CAMTA1: variants seen among roughly 807,000 people sequenced by gnomAD.
CAMTA1 encodes the protein calmodulin binding transcription activator 1, also known as calmodulin-binding transcription activator 1.
Under a neutral mutation model 170.9 loss-of-function variants are expected in CAMTA1, and 27 were observed. The observed-to-expected ratio is 0.16, with a 90% confidence interval of 0.12 to 0.22. CAMTA1 has a LOEUF of 0.22. Among genes scored for constraint, CAMTA1 ranks in the 10% least tolerant of loss-of-function variants. The probability of loss-of-function intolerance (pLI) is 1.00; values close to 1 mark genes in which losing one functional copy is unlikely to be tolerated. For missense variants in CAMTA1, 1,619 were observed against 2,217.2 expected (o/e 0.73, Z 5.42); for synonymous variants, 833 against 891.5 (o/e 0.93, Z 1.17).
rs4908455 is a variant in CAMTA1 at position 7,317,463 on chromosome 1, G to A, written c.438+67837G>A. Among the ~76,000 whole-genome samples the A allele has an allele frequency of 6.9e-3, 1,046 of 152,332 alleles. 18 individuals are homozygous for A. The highest frequency in any genetic ancestry group is 0.04 in the Admixed American group (605 of 15,308). ...CTGTGAGGGTTCAGTGAATTAATAC[G>A]TGTCTAGCCCATAGAACAGTGCTTG... is the stretch of plus-strand genomic sequence containing the variant. On this transcript the variant is annotated intron_variant, in intron 5 of 22. Transcript: ENST00000303635.
At chr1:6,864,602 C>T (rs1287662986) in intron 3 of CAMTA1, among the ~76,000 whole-genome samples, 5 of 152,144 alleles carry the variant, frequency 3.3e-5, no homozygotes, top group Admixed American at 1.3e-4. Context: ...GTTTCTTGCC[C>T]GAGTCCCTTC....
intron 3 of CAMTA1, among the ~76,000 whole-genome samples, chr1:6,867,537 G>A (rs1158219047): frequency 1.3e-5 from 2 of 152,112 alleles, no homozygotes; most frequent in East Asian, 1.9e-4. Flanking sequence ...AGCACCTGCC[G>A]GCCACTTGCG....
chr1:7,148,431 CCCG>C (rs1553257036), intron 4 of CAMTA1, among the ~76,000 whole-genome samples: 48 of 152,088 alleles, frequency 3.2e-4, no homozygotes, highest in Admixed American at 2.6e-3. Context: ...CCCCTCCCCC[CCCG>C]CCACGCTCCC....
rs72857522 is a variant in CAMTA1, at chr1:7,054,681, G to T, written c.235-36623G>T. Reference sequence around the variant, plus strand: ...AGTAGCGTGACCTTGGAGTCGGGCTGTGCCACACTTGAGTTACACGGACAC... The same window carrying T: ...AGTAGCGTGACCTTGGAGTCGGGCTTTGCCACACTTGAGTTACACGGACAC... On this transcript the variant is annotated intron_variant, in intron 3 of 22. Transcript: ENST00000303635. 9.1e-3 allele frequency among the ~76,000 whole-genome samples: 1,385 copies of T among 152,304 alleles called. 18 individuals are homozygous for T. Among genetic ancestry groups the T allele is most frequent in the African/African-American group, 0.032 (1,323 of 41,566 alleles).
At chr1:7,441,662 G>A (rs2092541598) in intron 5 of CAMTA1, 1 of 152,168 alleles carries the variant, frequency 6.6e-6, no homozygotes, top group African/African-American at 2.4e-5. Flanking sequence ...TGATAGGAAG[G>A]GACGGCTTCA....
chr1:7,585,013 C>T lies in CAMTA1; in HGVS notation c.511-55387C>T, dbSNP rs1321882622. 6.6e-6 allele frequency among the ~76,000 whole-genome samples: 1 copy of T among 152,114 alleles called. No individual in the cohort carries two copies. The highest frequency in any genetic ancestry group is 1.9e-4 in the East Asian group (1 of 5,192). On this transcript the variant is annotated intron_variant, in intron 6 of 22. Coordinates refer to ENST00000303635, the MANE Select transcript of CAMTA1 (RefSeq NM_015215.4). The surrounding 1 kb of genome is among the most constrained non-coding windows in gnomAD (Gnocchi z 4.8). ...ATAGACCATATATTATGTAATGTCC[C>T]CGGCGGGATGTGGAGTAGCACCCCA...
intron 6 of CAMTA1, among the ~76,000 whole-genome samples, chr1:7,555,346 C>G (rs2094861756): frequency 6.6e-6 from 1 of 152,082 alleles, no homozygotes; most frequent in African/African-American, 2.4e-5. Context: ...CAGCTGGGAC[C>G]AGAATTTCTC....
intron 4 of CAMTA1, among the ~76,000 whole-genome samples, chr1:7,135,287 C>G (rs1279176277): frequency 6.6e-6 from 1 of 152,152 alleles, no homozygotes; most frequent in East Asian, 1.9e-4. Flanking sequence ...ACTTAGGAGG[C>G]TGAGGCAGGA....
chr1:6,831,067 C>T (rs1309410609), intron 3 of CAMTA1, among the ~76,000 whole-genome samples: 1 of 152,152 alleles, frequency 6.6e-6, no homozygotes, highest in Non-Finnish European at 1.5e-5. Context: ...ATCCGCCCGC[C>T]TCAGCCTCCC....
At chr1:6,946,131 T>C (rs369056678) in intron 3 of CAMTA1, among the ~76,000 whole-genome samples, 70 of 152,282 alleles carry the variant, frequency 4.6e-4, no homozygotes, top group African/African-American at 1.6e-3. Context: ...ACTAGCTGTA[T>C]AGGGGAGTTC....
intron 6 of CAMTA1, among the ~76,000 whole-genome samples, chr1:7,582,921 G>GC (rs2095273882): frequency 6.6e-6 from 1 of 151,772 alleles, no homozygotes; most frequent in Non-Finnish European, 1.5e-5. Flanking sequence ...CCTTACCCTG[G>GC]CCCGTCCTCT....
At chr1:6,871,844 A>G in intron 3 of CAMTA1, 2 of 1,470,462 alleles carry the variant, frequency 1.4e-6, no homozygotes, top group Middle Eastern at 1.9e-4. Flanking sequence ...TACCTTGGTA[A>G]CCATTTCATT....
intron 11 of CAMTA1, chr1:7,700,600 G>A (rs1245073922): frequency 1.3e-5 from 2 of 152,208 alleles, no homozygotes; most frequent in East Asian, 3.8e-4. Flanking sequence ...TCACACAGGG[G>A]CCCCGGCTGG....
At chr1:6,852,740 T>G (rs895912397) in intron 3 of CAMTA1, among the ~76,000 whole-genome samples, 5 of 152,224 alleles carry the variant, frequency 3.3e-5, no homozygotes, top group Admixed American at 6.5e-5. Flanking sequence ...CTCTGTTGTT[T>G]GGGTTTTTAT....
In CAMTA1 at chr1:7,044,389, T is replaced by G. The variant is rs936480282; in HGVS notation, c.235-46915T>G. Among the ~76,000 whole-genome samples the G allele has an allele frequency of 6.6e-6, 1 of 151,680 alleles. No individual in the cohort carries two copies. The highest frequency in any genetic ancestry group is 2.4e-5 in the African/African-American group (1 of 41,250). ...GGACCCTGGGGACTCACAGCAGTAC[T>G]GCTGGGGACGCCGAGGACGCAGAGC... On this transcript the variant is annotated intron_variant, in intron 3 of 22. Coordinates refer to ENST00000303635, the MANE Select transcript of CAMTA1 (RefSeq NM_015215.4). This position sits in a 1 kb window ranked among gnomAD's most constrained non-coding sequence, Gnocchi z 5.0.
chr1:7,185,612 A>G (rs1163545429), intron 4 of CAMTA1, among the ~76,000 whole-genome samples: 1 of 152,222 alleles, frequency 6.6e-6, no homozygotes, highest in Non-Finnish European at 1.5e-5. Flanking sequence ...TTTTACATTG[A>G]AGAAATATAG....
At chr1:7,171,970 G>T (rs1649708442) in intron 4 of CAMTA1, among the ~76,000 whole-genome samples, 1 of 152,206 alleles carries the variant, frequency 6.6e-6, no homozygotes, top group Non-Finnish European at 1.5e-5. Context: ...TGGAATAATT[G>T]TCTATTGTAC....
intron 4 of CAMTA1, among the ~76,000 whole-genome samples, chr1:7,206,066 A>C (rs972529954): frequency 1.3e-5 from 2 of 152,162 alleles, no homozygotes; most frequent in East Asian, 3.9e-4. Context: ...TTCTCTGTCA[A>C]CTCATACACC....
intron 6 of CAMTA1, among the ~76,000 whole-genome samples, chr1:7,600,400 T>C (rs1400149072): frequency 1.3e-5 from 2 of 152,186 alleles, no homozygotes; most frequent in African/African-American, 2.4e-5. Flanking sequence ...TCTAAAATTC[T>C]CTTTTTTTGT....
Sources: gnomAD v4.1 joint callset for allele counts (sites outside exome capture counted in the v4.1 genomes callset) on GRCh38, gnomAD v4.1.1 for gene constraint, Gnocchi (gnomAD v3.1) non-coding constraint, MANE v1.5 for transcripts, NCBI Gene and HGNC (gene_info 2026-07-23, HGNC 2026-07-21) for gene names.